The following CLCN7 variants were observed in gnomAD, a reference collection of about 807,000 sequenced individuals.
CLCN7 encodes the protein Cl-/H+ antiporter 7.
A neutral mutation model predicts 102.1 loss-of-function variants in CLCN7; 60 were observed. The observed-to-expected ratio is 0.59, with a 90% CI of 0.48 to 0.73. The LOEUF is 0.73. Ranked by LOEUF, CLCN7 falls within the 30% of genes least tolerant of loss-of-function variation. CLCN7 has a pLI of 0.00. For synonymous variants in CLCN7, 560 were observed against 490.5 expected (o/e 1.14, Z -1.87); for missense variants, 962 against 1,125.7 (o/e 0.85, Z 2.08).
chr16:1,460,681 A>G lies in CLCN7; in HGVS notation c.484+135T>C, dbSNP rs967198911. On this transcript the variant is annotated intron_variant, in intron 5 of 24. Transcript: ENST00000382745. Reference sequence around the variant, plus strand: ...CCCAGAGACGTCTCACGGCCCAACCATGACAGGGACACAGCCAGCCTGGCC... The same window carrying G: ...CCCAGAGACGTCTCACGGCCCAACCGTGACAGGGACACAGCCAGCCTGGCC... 2.8e-5 allele frequency: 40 copies of G among 1,415,246 alleles called. No individual in the cohort carries two copies. In the African/African-American group the frequency reaches 5.3e-4, roughly 19 times the overall value. 87.7% of individuals were successfully genotyped at this position (1,415,246 alleles called of 1,614,324 possible).
chr16:1,455,188 G>A lies in CLCN7; in HGVS notation c.1044C>T (p.Asn348=), dbSNP rs1271094317. The change falls in exon 12 of 25, where the codon AAC becomes AAT. Residue 348 remains asparagine, a synonymous_variant. Coordinates refer to ENST00000382745, the MANE Select transcript of CLCN7 (RefSeq NM_001287.6). ...LNFVLSIYHG[N]MWDLSSPGLI... ...GGCCTGGGCTGGACAGGTCCCACAT[G>A]TTCCCGTGGTAAATGCTCAGAACAA... 3 of 1,613,968 alleles carry A rather than the reference G, an allele frequency of 1.9e-6. No individual in the cohort carries two copies. The highest frequency in any genetic ancestry group is 2.7e-5 in the African/African-American group (2 of 75,060).
rs1403499328 is a variant in CLCN7, at chr16:1,448,449, C to T, written c.1919G>A (p.Arg640Gln). 3.7e-6 allele frequency: 6 copies of T among 1,611,756 alleles called. No individual in the cohort carries two copies. In the South Asian group the frequency reaches 4.4e-5, roughly 12 times the overall value. ...VMSTPVTCLR[R>Q]REKVGVIVDV... ...CACAATGACGCCGACCTTCTCACGC[C>T]GCCTCAGGCAGGTCACTGGTGTGCT... is the stretch of plus-strand genomic sequence containing the variant. Residue 640 changes from arginine to glutamine, a missense_variant, in exon 21 of 25, where the codon CGG becomes CAG. By Grantham distance (43) the Arg-to-Gln change is conservative. Around this residue, in one of 2 missense-constraint regions of CLCN7, gnomAD observed 799 missense variants for 988.0 expected, o/e 0.81. Coordinates refer to ENST00000382745, the MANE Select transcript of CLCN7 (RefSeq NM_001287.6).
intron 21 of CLCN7, 88 bp downstream of exon 21, chr16:1,448,267 C>T: frequency 6.4e-7 from 1 of 1,558,476 alleles, no homozygotes; most frequent in South Asian, 1.1e-5. Context: ...TGCAGCTTCC[C>T]CATCCTGCAA....
At position 1,471,452 on chromosome 16, in the gene CLCN7, T is replaced by G. The variant is rs548877808; in HGVS notation, c.141+3382A>C. On this transcript the variant is annotated intron_variant, in intron 1 of 24. Coordinates refer to ENST00000382745, the MANE Select transcript of CLCN7 (RefSeq NM_001287.6). ...TACAGTACCCCGTCTGTGGCCACAC[T>G]GGGGTGCGCCTGAGCCTAACTGTGA... Among the ~76,000 whole-genome samples, 1,126 of 152,188 alleles carry G rather than the reference T, an allele frequency of 7.4e-3. 9 individuals are homozygous for G. The highest frequency in any genetic ancestry group is 0.013 in the Non-Finnish European group (897 of 67,980).
rs2038630891 is a variant in CLCN7 at position 1,445,863 on chromosome 16, C to A, written c.*768G>T. On this transcript the variant is annotated 3_prime_UTR_variant, in exon 25 of 25. Transcript: ENST00000382745. ...CTGAGGCTCAGGGACCAAGGCAGGGCTGGGTGTGGGGCCCAGACTCCAAGC... is the reference window on the plus strand; with the variant it reads ...CTGAGGCTCAGGGACCAAGGCAGGGATGGGTGTGGGGCCCAGACTCCAAGC... 1 of 195,182 alleles carries A rather than the reference C, an allele frequency of 5.1e-6. No homozygotes were observed. The highest frequency in any genetic ancestry group is 1.1e-4 in the South Asian group (1 of 9,144). The allele number at this position is 195,182 out of a possible 1,614,324, so 12.1% of individuals were successfully genotyped here. A position where few individuals can be genotyped will look rare whatever the true frequency, so the allele number is the denominator to read the frequency against.
rs559714422 is a variant in CLCN7, at chr16:1,447,774, G to C, written c.2014-60C>G. ...CGAGGGTGGGAGGCTGCGCTGGAAT[G>C]CTGTGTCGGGCCCCGCTCTGACCCT... On this transcript the variant is annotated intron_variant, in intron 21 of 24. Coordinates refer to ENST00000382745, the MANE Select transcript of CLCN7 (RefSeq NM_001287.6). The C allele has an allele frequency of 1.5e-4, 231 of 1,512,844 alleles. 1 individual carries two copies. The African/African-American group carries it at 2.9e-3, about 19-fold the overall frequency. The allele number at this position is 1,512,844 out of a possible 1,614,324, so 93.7% of individuals were successfully genotyped here. A position where few individuals can be genotyped will look rare whatever the true frequency, so the allele number is the denominator to read the frequency against.
At chr16:1,448,945 G>C (rs771346530) in intron 19 of CLCN7, 21 bp downstream of exon 19, 3 of 1,611,668 alleles carry the variant, frequency 1.9e-6, no homozygotes, top group East Asian at 4.5e-5. Flanking sequence ...CTCAGGGTGA[G>C]GCTTCGAGGC....
intron 7 of CLCN7, among the ~76,000 whole-genome samples, chr16:1,458,393 A>G (rs2142384175): frequency 6.6e-6 from 1 of 152,386 alleles, no homozygotes; most frequent in East Asian, 1.9e-4. Context: ...GCAACATCCA[A>G]GAAGGTTCAG....
intron 15 of CLCN7, 147 bp from the exon 16 acceptor site, chr16:1,451,863 G>A: frequency 1.5e-6 from 1 of 683,530 alleles, no homozygotes; most frequent in Non-Finnish European, 2.6e-6. Context: ...TTGGGTCAGG[G>A]CCACGGTCAC....
intron 1 of CLCN7, among the ~76,000 whole-genome samples, chr16:1,472,938 G>T (rs1376563404): frequency 1.2e-4 from 16 of 136,548 alleles, no homozygotes; most frequent in East Asian, 2.1e-4. Context: ...GGCTAATTTT[G>T]TTTTTTTTTT....
intron 1 of CLCN7, among the ~76,000 whole-genome samples, chr16:1,467,193 CCAGACAGACAGA>C (rs370170723): frequency 6.6e-6 from 1 of 152,042 alleles, no homozygotes; most frequent in Non-Finnish European, 1.5e-5. Context: ...GGAGCAGAGG[CCAGACAGACAGA>C]CAGACAGACT....
chr16:1,471,336 T>A (rs938887957), intron 1 of CLCN7, among the ~76,000 whole-genome samples: 1 of 152,196 alleles, frequency 6.6e-6, no homozygotes, highest in Non-Finnish European at 1.5e-5. Context: ...CCAGTTCTCA[T>A]GTTCACTGGA....
At chr16:1,452,618 CTT>C (rs952069687) in intron 15 of CLCN7, 135 bp downstream of exon 15, 2 of 932,534 alleles carry the variant, frequency 2.1e-6, no homozygotes, top group African/African-American at 1.6e-5. Flanking sequence ...GACTAACCCT[CTT>C]TGAGACACGC....
At chr16:1,469,720 C>A (rs1268131432) in intron 1 of CLCN7, among the ~76,000 whole-genome samples, 1 of 152,048 alleles carries the variant, frequency 6.6e-6, no homozygotes, top group Non-Finnish European at 1.5e-5. Context: ...AACCAAAAAC[C>A]AAAAACAAAC....
At chr16:1,460,758 G>T (rs897216641) in intron 5 of CLCN7, 58 bp downstream of exon 5, 1 of 1,612,302 alleles carries the variant, frequency 6.2e-7, no homozygotes, top group Admixed American at 1.7e-5. Context: ...TTCTGCCCGG[G>T]ACTCGGCCCA....
chr16:1,472,859 C>T (rs926801522), intron 1 of CLCN7, among the ~76,000 whole-genome samples: 3 of 147,980 alleles, frequency 2.0e-5, no homozygotes, highest in African/African-American at 7.4e-5. Flanking sequence ...ACCTCCTGGG[C>T]TCATGCGACT....
chr16:1,474,240 T>C (rs533365328), intron 1 of CLCN7: 3 of 455,546 alleles, frequency 6.6e-6, no homozygotes, highest in African/African-American at 4.0e-5. Flanking sequence ...TGCCTGCACA[T>C]TGCAAATTCA....
At chr16:1,474,778 G>T in intron 1 of CLCN7, 56 bp downstream of exon 1, 1 of 1,227,878 alleles carries the variant, frequency 8.1e-7, no homozygotes, top group South Asian at 2.9e-5. Flanking sequence ...ACGAGGGCGC[G>T]GGCTGCGGGG....
rs113792222 is a variant in CLCN7 at position 1,457,420 on chromosome 16, C to T, written c.739-83G>A. 1.2e-3 allele frequency: 1,465 copies of T among 1,192,146 alleles called. 12 individuals carry two copies. The highest frequency in any genetic ancestry group is 1.4e-3 in the Non-Finnish European group (1,177 of 833,216). The allele number at this position is 1,192,146 out of a possible 1,614,324, so 73.8% of individuals were successfully genotyped here. A position where few individuals can be genotyped will look rare whatever the true frequency, so the allele number is the denominator to read the frequency against. On this transcript the variant is annotated intron_variant, in intron 8 of 24. Coordinates refer to ENST00000382745, the MANE Select transcript of CLCN7 (RefSeq NM_001287.6). This position sits in a 1 kb window ranked among gnomAD's most constrained non-coding sequence, Gnocchi z 5.4. Reference sequence around the variant, plus strand: ...CCAGAAGGACCGATGCTCAGAGACACGCGTGACGCGGCCCTTCCTGGAGAC... The same window carrying T: ...CCAGAAGGACCGATGCTCAGAGACATGCGTGACGCGGCCCTTCCTGGAGAC...
Sources: gnomAD v4.1 joint callset for allele counts (sites outside exome capture counted in the v4.1 genomes callset) on GRCh38, gnomAD v4.1.1 for gene constraint, gnomAD v4.1.1 regional missense constraint, Gnocchi (gnomAD v3.1) non-coding constraint, MANE v1.5 for transcripts, NCBI Gene and HGNC (gene_info 2026-07-23, HGNC 2026-07-21) for gene names.